Variants in REC114 observed in about 807,000 individuals in gnomAD.
The protein encoded by REC114 is REC114 meiotic recombination protein, also known as meiotic recombination protein REC114.
Under a neutral mutation model 31.3 loss-of-function variants are expected in REC114, and 27 were observed. That is an observed-to-expected ratio of 0.86 (90% CI 0.64 to 1.19). REC114 has a LOEUF of 1.19. Ranked by LOEUF, REC114 falls within the 50% of genes most tolerant of loss-of-function variation. REC114 has a pLI of 0.00. For synonymous variants in REC114, 134 were observed against 127.7 expected, an observed-to-expected ratio of 1.05 and a Z score of -0.33; for missense variants, 344 against 326.9, an observed-to-expected ratio of 1.05 and a Z score of -0.40.
chr15:73,444,691 C>T (rs181205335), intron 1 of REC114, among the ~76,000 whole-genome samples: 5 of 152,262 alleles, frequency 3.3e-5, no homozygotes, highest in South Asian at 2.1e-4. Flanking sequence ...TGTTGACCTC[C>T]GTCCATGAAT....
intron 2 of REC114, among the ~76,000 whole-genome samples, chr15:73,518,054 A>G (rs1893885465): frequency 1.3e-5 from 2 of 152,180 alleles, no homozygotes. Context: ...TAGATAAAAA[A>G]CCAATTTGTT....
intron 1 of REC114, among the ~76,000 whole-genome samples, chr15:73,460,638 C>G (rs546042234): frequency 6.6e-6 from 1 of 152,098 alleles, no homozygotes; most frequent in South Asian, 2.1e-4. Flanking sequence ...TTGCAGAGAC[C>G]TAGGATAGGT....
chr15:73,551,922 A>C (rs1262895291), intron 4 of REC114, among the ~76,000 whole-genome samples: 1 of 152,210 alleles, frequency 6.6e-6, no homozygotes, highest in African/African-American at 2.4e-5. Context: ...CCAACCCGGA[A>C]GACTTTTCTA....
chr15:73,449,818 T>C (rs1406765705), intron 1 of REC114, among the ~76,000 whole-genome samples: 2 of 152,036 alleles, frequency 1.3e-5, no homozygotes, highest in Admixed American at 1.3e-4. Context: ...ACCCCTACAA[T>C]CCAGAAGAAA....
At chr15:73,496,847 G>C (rs901666123) in intron 2 of REC114, among the ~76,000 whole-genome samples, 1 of 151,904 alleles carries the variant, frequency 6.6e-6, no homozygotes, top group African/African-American at 2.4e-5. Context: ...GCTGGTTCAG[G>C]ATCTAACCTA....
intron 4 of REC114, among the ~76,000 whole-genome samples, chr15:73,553,150 G>C (rs1894415246): frequency 6.6e-6 from 1 of 152,068 alleles, no homozygotes; most frequent in African/African-American, 2.4e-5. Flanking sequence ...ATTTGTCTAA[G>C]GTGAACATAA....
intron 2 of REC114, among the ~76,000 whole-genome samples, chr15:73,510,254 G>A (rs1372853443): frequency 1.3e-5 from 2 of 152,028 alleles, no homozygotes; most frequent in Admixed American, 1.3e-4. Context: ...GTCTGTTGTT[G>A]GTGTATAAGA....
At chr15:73,471,424 G>A (rs927729380) in intron 1 of REC114, among the ~76,000 whole-genome samples, 1 of 152,200 alleles carries the variant, frequency 6.6e-6, no homozygotes, top group South Asian at 2.1e-4. Context: ...TATTTTCTGA[G>A]GTGAAAATGT....
At chr15:73,520,123 G>A (rs1163593924) in intron 2 of REC114, among the ~76,000 whole-genome samples, 2 of 152,032 alleles carry the variant, frequency 1.3e-5, no homozygotes, top group South Asian at 2.1e-4. Context: ...TTTTATATGT[G>A]TATCTTACCA....
chr15:73,472,697 A>G (rs1475571863), intron 1 of REC114, among the ~76,000 whole-genome samples: 1 of 152,114 alleles, frequency 6.6e-6, no homozygotes, highest in Non-Finnish European at 1.5e-5. Context: ...ATCCCACTCT[A>G]ATGTATCTAT....
chr15:73,486,937 C>CT (rs1893379074), intron 2 of REC114, among the ~76,000 whole-genome samples: 1 of 152,034 alleles, frequency 6.6e-6, no homozygotes, highest in Non-Finnish European at 1.5e-5. Context: ...AGGAGAATCG[C>CT]TTGAACCCAA....
chr15:73,493,711 C>A (rs1449711880), intron 2 of REC114, among the ~76,000 whole-genome samples: 2 of 152,128 alleles, frequency 1.3e-5, no homozygotes, highest in African/African-American at 4.8e-5. Context: ...GAACTTAGAG[C>A]CTGTCCTAGC....
At chr15:73,468,559 C>T (rs1372159058) in intron 1 of REC114, among the ~76,000 whole-genome samples, 2 of 151,962 alleles carry the variant, frequency 1.3e-5, no homozygotes, top group African/African-American at 4.8e-5. Context: ...CATTCTTTTT[C>T]CTGTCTGATT....
chr15:73,499,393 G>C (rs1893573414), intron 2 of REC114, among the ~76,000 whole-genome samples: 2 of 152,058 alleles, frequency 1.3e-5, no homozygotes, highest in Admixed American at 1.3e-4. Flanking sequence ...ATCACTTGCT[G>C]TCTAATTAGT....
At chr15:73,537,296 T>G (rs1272099816) in intron 2 of REC114, among the ~76,000 whole-genome samples, 1 of 152,134 alleles carries the variant, frequency 6.6e-6, no homozygotes, top group Non-Finnish European at 1.5e-5. Flanking sequence ...GATCAGAGGT[T>G]AATTAGGCAA....
chr15:73,557,414 T>TAAAAAAAAAAAAAAAAAAAAA (rs767116205), intron 5 of REC114, among the ~76,000 whole-genome samples: 1 of 113,192 alleles, frequency 8.8e-6, no homozygotes, highest in Non-Finnish European at 1.9e-5. Context: ...ATCAGTAGTT[T>TAAAAAAAAAAAAAAAAAAAAA]AAAAAAAAAA....
intron 2 of REC114, among the ~76,000 whole-genome samples, chr15:73,511,750 G>A (rs1403372933): frequency 1.4e-5 from 2 of 147,004 alleles, no homozygotes; most frequent in Non-Finnish European, 1.5e-5. Context: ...GTAGTTGAGC[G>A]GCTTTGAGTG....
At chr15:73,459,252 CAG>C (rs1299517543) in intron 1 of REC114, among the ~76,000 whole-genome samples, 1 of 147,400 alleles carries the variant, frequency 6.8e-6, no homozygotes, top group Non-Finnish European at 1.5e-5. Context: ...TTTTTGGAGA[CAG>C]AGTCTCACTC....
At position 73,559,850 on chromosome 15, in the gene REC114, G is replaced by A; in HGVS notation, c.735G>A (p.Gln245=). 6.2e-7 allele frequency: 1 copy of A among 1,612,384 alleles called. No individual in the cohort carries two copies. Among genetic ancestry groups the A allele is most frequent in the Non-Finnish European group, 8.5e-7 (1 of 1,179,300 alleles). Residue 245 remains glutamine (Q), a synonymous_variant, in exon 6 of 6, where the codon CAG becomes CAA. Coordinates refer to ENST00000331090, the MANE Select transcript of REC114 (RefSeq NM_001042367.2). ...TCCTACGTTTGTGCCTTATGGATCA[G>A]AATTTCCCAGCATTTGTGGAAGAGG... ...GPFLRLCLMD[Q]NFPAFVEEVE... is the part of the protein sequence containing the mutation.
Sources: allele counts gnomAD v4.1 joint callset (sites outside exome capture counted in the v4.1 genomes callset), GRCh38; gene constraint gnomAD v4.1.1; transcripts MANE v1.5; gene names NCBI Gene and HGNC (gene_info 2026-07-23, HGNC 2026-07-21).